The following DNAJC15 variants were observed in gnomAD, a reference collection of about 807,000 sequenced individuals.
DNAJC15 encodes dnaJ homolog subfamily C member 15.
A neutral mutation model predicts 22.4 loss-of-function variants in DNAJC15; 27 were observed. That is an observed-to-expected ratio of 1.20 (90% CI 0.89 to 1.66). The LOEUF is 1.66. DNAJC15 is among the 40% of genes most tolerant of loss of function. The probability of loss-of-function intolerance (pLI) is 0.00; values close to 1 mark genes in which losing one functional copy is unlikely to be tolerated. For synonymous variants in DNAJC15, 79 were observed against 63.2 expected, an observed-to-expected ratio of 1.25 and a Z score of -1.19; for missense variants, 208 against 187.1, an observed-to-expected ratio of 1.11 and a Z score of -0.65.
intron 5 of DNAJC15, among the ~76,000 whole-genome samples, chr13:43,088,528 A>ATTC (rs2040699837): frequency 6.6e-6 from 1 of 152,148 alleles, no homozygotes; most frequent in African/African-American, 2.4e-5. Context: ...CAGTGGGGAG[A>ATTC]TTCTCAACCT....
At chr13:43,066,722 A>G (rs1382475874) in intron 2 of DNAJC15, among the ~76,000 whole-genome samples, 1 of 152,128 alleles carries the variant, frequency 6.6e-6, no homozygotes, top group Non-Finnish European at 1.5e-5. Flanking sequence ...TCCCGGGTTC[A>G]TGCCATTCTC....
At chr13:43,079,309 T>G (rs1205469662) in intron 4 of DNAJC15, among the ~76,000 whole-genome samples, 4 of 152,206 alleles carry the variant, frequency 2.6e-5, no homozygotes, top group South Asian at 2.1e-4. Flanking sequence ...CAACAAATCT[T>G]CTGATGATAT....
rs1327938896 is a variant in DNAJC15, at chr13:43,113,656, A to G, written c.*6408A>G. On this transcript the variant is annotated 3_prime_UTR_variant, in exon 6 of 6. Transcript: ENST00000379221. ...AGTGTATTCCAAAGCTAACTCAGTG[A>G]TCTTTCCATTTATCTATTCTTGGAT... 6.6e-6 allele frequency: 1 copy of G among 152,254 alleles called. No individual in the cohort carries two copies. The highest frequency in any genetic ancestry group is 1.9e-4 in the East Asian group (1 of 5,208). The allele number at this position is 152,254 out of a possible 1,614,324, so 9.4% of individuals were successfully genotyped here. A position where few individuals can be genotyped will look rare whatever the true frequency, so the allele number is the denominator to read the frequency against.
chr13:43,085,164 C>G (rs533350813), intron 4 of DNAJC15, among the ~76,000 whole-genome samples: 1 of 152,114 alleles, frequency 6.6e-6, no homozygotes, highest in Non-Finnish European at 1.5e-5. Flanking sequence ...GAGTTCGAGA[C>G]CAGCCTGGAC....
At chr13:43,060,995 G>T (rs2040556212) in intron 1 of DNAJC15, among the ~76,000 whole-genome samples, 1 of 152,172 alleles carries the variant, frequency 6.6e-6, no homozygotes, top group Non-Finnish European at 1.5e-5. Context: ...TGTTGTGTAG[G>T]GAAGGGATGG....
chr13:43,065,051 T>A (rs9315984), intron 1 of DNAJC15, among the ~76,000 whole-genome samples: 1 of 151,912 alleles, frequency 6.6e-6, no homozygotes, highest in Non-Finnish European at 1.5e-5. Flanking sequence ...GTGACACTAA[T>A]AGTTTCCTGA....
chr13:43,076,631 A>C (rs181045131), intron 3 of DNAJC15, among the ~76,000 whole-genome samples: 2 of 152,318 alleles, frequency 1.3e-5, no homozygotes, highest in East Asian at 1.9e-4. Context: ...TCATGCTTAG[A>C]AACGTTTAAT....
intron 5 of DNAJC15, 81 bp from the exon 6 acceptor site, chr13:43,107,097 A>G (rs933348170): frequency 9.0e-6 from 10 of 1,109,520 alleles, no homozygotes; most frequent in Non-Finnish European, 1.2e-5. Context: ...ATATTCAAAA[A>G]AGAGTATTTT....
At chr13:43,065,808 A>T in intron 2 of DNAJC15, 71 bp downstream of exon 2, 1 of 1,373,388 alleles carries the variant, frequency 7.3e-7, no homozygotes, top group Non-Finnish European at 1.0e-6. Flanking sequence ...GTGATTCATG[A>T]GTAGACCCTT....
At chr13:43,062,228 G>T (rs2040562542) in intron 1 of DNAJC15, among the ~76,000 whole-genome samples, 1 of 152,212 alleles carries the variant, frequency 6.6e-6, no homozygotes, top group East Asian at 1.9e-4. Flanking sequence ...CCAGAACTCA[G>T]TGAGAGTTGT....
At chr13:43,094,783 A>C (rs2040731675) in intron 5 of DNAJC15, among the ~76,000 whole-genome samples, 1 of 152,170 alleles carries the variant, frequency 6.6e-6, no homozygotes. Flanking sequence ...GTGAGACTGC[A>C]AGAAGCCTTG....
chr13:43,101,720 T>C (rs2040769924), intron 5 of DNAJC15, among the ~76,000 whole-genome samples: 3 of 152,244 alleles, frequency 2.0e-5, no homozygotes, highest in Non-Finnish European at 4.4e-5. Flanking sequence ...TTGCATAGAA[T>C]AATGGTCTCC....
At chr13:43,098,389 A>G (rs542800524) in intron 5 of DNAJC15, among the ~76,000 whole-genome samples, 1 of 152,330 alleles carries the variant, frequency 6.6e-6, no homozygotes, top group East Asian at 1.9e-4. Context: ...GAAAACTACT[A>G]GAGAGCAACT....
chr13:43,053,861 A>C (rs765371792), intron 1 of DNAJC15, among the ~76,000 whole-genome samples: 1 of 144,676 alleles, frequency 6.9e-6, no homozygotes, highest in Non-Finnish European at 1.6e-5. Context: ...TTCAGCAAAT[A>C]GTGACAGTTT....
chr13:43,039,123 T>G (rs926793279), intron 1 of DNAJC15, among the ~76,000 whole-genome samples: 2 of 152,184 alleles, frequency 1.3e-5, no homozygotes, highest in Admixed American at 1.3e-4. Context: ...AGGCATAAGC[T>G]CTGGTCTGGA....
chr13:43,037,115 C>T (rs185521500), intron 1 of DNAJC15, among the ~76,000 whole-genome samples: 28 of 152,362 alleles, frequency 1.8e-4, no homozygotes, highest in Admixed American at 3.9e-4. Flanking sequence ...TGGTGCCTCC[C>T]GCTCTGCAGC....
In DNAJC15 at chr13:43,111,917, A is replaced by G. The variant is rs1228374471; in HGVS notation, c.*4669A>G. The G allele has an allele frequency of 1.3e-5, 2 of 152,240 alleles. No homozygotes were observed. The highest frequency in any genetic ancestry group is 2.4e-5 in the African/African-American group (1 of 41,474). The allele number at this position is 152,240 out of a possible 1,614,324, so 9.4% of individuals were successfully genotyped here. A position where few individuals can be genotyped will look rare whatever the true frequency, so the allele number is the denominator to read the frequency against. Reference sequence around the variant, plus strand: ...TGAATTATGAGTCAAAATTTTATTTATGGTGGCATTACACACATTAAGAGA... The same window carrying G: ...TGAATTATGAGTCAAAATTTTATTTGTGGTGGCATTACACACATTAAGAGA... On this transcript the variant is annotated 3_prime_UTR_variant, in exon 6 of 6. Transcript: ENST00000379221.
At chr13:43,040,854 A>G (rs893081479) in intron 1 of DNAJC15, among the ~76,000 whole-genome samples, 26 of 152,290 alleles carry the variant, frequency 1.7e-4, no homozygotes, top group Non-Finnish European at 3.5e-4. Context: ...TGTGCTTTAG[A>G]TATGCATACA....
intron 1 of DNAJC15, among the ~76,000 whole-genome samples, chr13:43,052,177 A>T (rs529722126): frequency 3.9e-4 from 59 of 151,598 alleles, no homozygotes; most frequent in African/African-American, 1.4e-3. Flanking sequence ...ATTGGCCAGG[A>T]TGGTCTCGAT....
Sources: gnomAD v4.1 joint callset for allele counts (sites outside exome capture counted in the v4.1 genomes callset) on GRCh38, gnomAD v4.1.1 for gene constraint, MANE v1.5 for transcripts, NCBI Gene and HGNC (gene_info 2026-07-23, HGNC 2026-07-21) for gene names.